The following GRIA2 variants were observed in gnomAD, a reference collection of about 807,000 sequenced individuals.
GRIA2 encodes glutamate receptor 2.
A neutral mutation model predicts 97.3 loss-of-function variants in GRIA2; 14 were observed. That is an observed-to-expected ratio of 0.14 (90% confidence interval 0.10 to 0.23). The LOEUF (loss-of-function observed/expected upper bound fraction) is 0.23, where lower values mean the gene tolerates loss of function less well. GRIA2 is among the 10% of genes least tolerant of loss of function. The probability of loss-of-function intolerance (pLI) is 1.00; values close to 1 mark genes in which losing one functional copy is unlikely to be tolerated. For synonymous variants in GRIA2, 412 were observed against 387.8 expected, an observed-to-expected ratio of 1.06 and a Z score of -0.73; for missense variants, 558 against 1,069.8, an observed-to-expected ratio of 0.52 and a Z score of 6.67.
At chr4:157,310,533 T>A (rs1046408678) in intron 3 of GRIA2, among the ~76,000 whole-genome samples, 1 of 152,082 alleles carries the variant, frequency 6.6e-6, no homozygotes, top group Non-Finnish European at 1.5e-5. Context: ...TATCTCTTTT[T>A]TTCCCTGCAA....
chr4:157,363,781 T>G lies in GRIA2; in HGVS notation c.*350T>G. On this transcript the variant is annotated 3_prime_UTR_variant, in exon 16 of 16. Coordinates refer to ENST00000264426, the MANE Select transcript of GRIA2 (RefSeq NM_001083619.3). ...ACACAACATCTTTTTCTACTCGAGT[T>G]ACAGACAAAGCGTGGTGGACATGCA... 2.7e-6 allele frequency: 1 copy of G among 371,262 alleles called. No homozygotes were observed. Among genetic ancestry groups the G allele is most frequent in the Non-Finnish European group, 4.8e-6 (1 of 209,550 alleles). The allele number at this position is 371,262 out of a possible 1,614,324, so 23.0% of individuals were successfully genotyped here.
At chr4:157,284,018 T>C (rs879548564) in intron 2 of GRIA2, among the ~76,000 whole-genome samples, 1 of 151,906 alleles carries the variant, frequency 6.6e-6, no homozygotes, top group Non-Finnish European at 1.5e-5. Context: ...TAAATTCATA[T>C]TTAGTAGAAA....
intron 3 of GRIA2, among the ~76,000 whole-genome samples, chr4:157,309,349 G>GTTTTTT (rs747461041): frequency 1.5e-5 from 2 of 130,704 alleles, no homozygotes; most frequent in African/African-American, 2.9e-5. Flanking sequence ...AAATTTCTTG[G>GTTTTTT]TTTTTTTTTT....
At chr4:157,342,311 A>G (rs116471812) in intron 12 of GRIA2, 11,162 of 984,822 alleles carry the variant, frequency 0.011, 57 homozygotes, top group Middle Eastern at 0.019. Context: ...TTTGAAGACT[A>G]TCTCATGCTA....
chr4:157,233,763 A>C (rs867716058), intron 2 of GRIA2, among the ~76,000 whole-genome samples: 6 of 152,254 alleles, frequency 3.9e-5, no homozygotes, highest in Non-Finnish European at 7.4e-5. Context: ...GAGAAAGCTT[A>C]GATATTTTAT....
At chr4:157,302,159 C>T (rs910807673) in intron 2 of GRIA2, among the ~76,000 whole-genome samples, 5 of 140,630 alleles carry the variant, frequency 3.6e-5, no homozygotes, top group South Asian at 2.2e-4. Context: ...GCCTGAGTGA[C>T]GAGCAGGACT....
intron 2 of GRIA2, among the ~76,000 whole-genome samples, chr4:157,271,814 T>A (rs1016527405): frequency 6.6e-6 from 1 of 152,190 alleles, no homozygotes; most frequent in Non-Finnish European, 1.5e-5. Flanking sequence ...TGTCAACTCA[T>A]TTGCCTATAG....
At chr4:157,325,311 A>G (rs1359477708) in intron 6 of GRIA2, among the ~76,000 whole-genome samples, 2 of 152,210 alleles carry the variant, frequency 1.3e-5, no homozygotes, top group African/African-American at 2.4e-5. Context: ...TCATTCTTAC[A>G]AACTATACAA....
intron 2 of GRIA2, among the ~76,000 whole-genome samples, chr4:157,289,322 G>A (rs1732987838): frequency 6.6e-6 from 1 of 151,882 alleles, no homozygotes; most frequent in Non-Finnish European, 1.5e-5. Flanking sequence ...AGTAATGAAA[G>A]TAAACATGAG....
At chr4:157,241,164 A>ATTCTCCTCT (rs1247504148) in intron 2 of GRIA2, among the ~76,000 whole-genome samples, 3 of 152,010 alleles carry the variant, frequency 2.0e-5, no homozygotes, top group Non-Finnish European at 4.4e-5. Context: ...AATGGTTTTA[A>ATTCTCCTCT]TTCTCCTCTC....
At chr4:157,270,403 A>G (rs779014981) in intron 2 of GRIA2, among the ~76,000 whole-genome samples, 1 of 152,124 alleles carries the variant, frequency 6.6e-6, no homozygotes, top group Non-Finnish European at 1.5e-5. Context: ...AAAGTGTTCA[A>G]TTTGTGGTAG....
At chr4:157,315,480 G>A (rs1395013293) in intron 4 of GRIA2, among the ~76,000 whole-genome samples, 1 of 151,328 alleles carries the variant, frequency 6.6e-6, no homozygotes, top group Admixed American at 6.6e-5. Flanking sequence ...CTTGAAGTTA[G>A]CAATAAATTA....
chr4:157,248,780 C>CTATATA (rs36210142), intron 2 of GRIA2, among the ~76,000 whole-genome samples: 9 of 122,340 alleles, frequency 7.4e-5, no homozygotes, highest in African/African-American at 2.8e-4. Context: ...CTTTCTTTCA[C>CTATATA]TATATATATA....
At chr4:157,221,596 C>G in intron 1 of GRIA2, 71 bp from the exon 2 acceptor site, 3 of 1,519,580 alleles carry the variant, frequency 2.0e-6, no homozygotes, top group Non-Finnish European at 2.7e-6. Context: ...TTTTTGGGCG[C>G]TAGCGCGCGC....
Position 157,303,735 on chromosome 4 carries a change from G to A in GRIA2, c.413G>A (p.Ser138Asn), listed in dbSNP as rs761500896. ...MRPDLKGALLSLIEYYQWDKF... is the reference protein window; with the variant it reads ...MRPDLKGALLNLIEYYQWDKF... The stretch of plus-strand genomic sequence containing the variant: ...CCCGACCTCAAAGGAGCTCTCCTTA[G>A]CTTGATTGAATACTATCAATGGGAC... The change falls in exon 3 of 16, where the codon AGC becomes AAC. Residue 138 changes from serine (S) to asparagine (N), a missense_variant. Ser to Asn is a conservative substitution (Grantham distance 46). Coordinates refer to ENST00000264426, the MANE Select transcript of GRIA2 (RefSeq NM_001083619.3). The A allele has an allele frequency of 6.2e-7, 1 of 1,613,726 alleles. No homozygotes were observed. The highest frequency in any genetic ancestry group is 8.5e-7 in the Non-Finnish European group (1 of 1,179,798).
At chr4:157,356,497 C>T (rs913381640) in intron 12 of GRIA2, among the ~76,000 whole-genome samples, 2 of 151,888 alleles carry the variant, frequency 1.3e-5, no homozygotes, top group African/African-American at 4.8e-5. Context: ...AAAATTTGCT[C>T]AAATGTAGAT....
rs112884085 is a variant in GRIA2, at chr4:157,332,305, G to A, written c.883-514G>A. On this transcript the variant is annotated intron_variant, in intron 6 of 15. Transcript: ENST00000264426. ...GTTCTTCTACTTGATTACCAGAATC[G>A]CCTAGGGGAGCCTAAGTAGACACCC... 5.8e-3 allele frequency among the ~76,000 whole-genome samples: 880 copies of A among 152,018 alleles called. 5 individuals carry two copies. The highest frequency in any genetic ancestry group is 8.7e-3 in the Admixed American group (133 of 15,240).
At chr4:157,309,280 A>T (rs1733968923) in intron 3 of GRIA2, among the ~76,000 whole-genome samples, 1 of 151,944 alleles carries the variant, frequency 6.6e-6, no homozygotes, top group African/African-American at 2.4e-5. Context: ...TGAATCCTGA[A>T]TCCACAGCCA....
chr4:157,302,470 A>G (rs1415503380), intron 2 of GRIA2, among the ~76,000 whole-genome samples: 1 of 152,178 alleles, frequency 6.6e-6, no homozygotes, highest in Non-Finnish European at 1.5e-5. Flanking sequence ...TTCTGAATCC[A>G]GACTTTCTAT....
Sources: allele counts gnomAD v4.1 joint callset (sites outside exome capture counted in the v4.1 genomes callset), GRCh38; gene constraint gnomAD v4.1.1; transcripts MANE v1.5; gene names NCBI Gene and HGNC (gene_info 2026-07-23, HGNC 2026-07-21).